ZFHX3: variants seen among roughly 807,000 people sequenced by gnomAD.
ZFHX3 encodes the protein zinc finger homeobox 3.
In ZFHX3, 42 loss-of-function variants were observed where a neutral mutation model predicts 279.1. The observed-to-expected ratio is 0.15, with a 90% CI of 0.12 to 0.19. The LOEUF is 0.19. ZFHX3 is among the 10% of genes least tolerant of loss of function. The pLI, the probability that ZFHX3 is intolerant of heterozygous loss-of-function variation, is 1.00. For missense variants in ZFHX3, 4,981 were observed against 4,754.0 expected (o/e 1.05, Z -1.40); for synonymous variants, 2,293 against 1,957.8 (o/e 1.17, Z -4.52).
intron 5 of ZFHX3, among the ~76,000 whole-genome samples, chr16:73,188,171 T>A (rs992248801): frequency 6.6e-6 from 1 of 151,308 alleles, no homozygotes; most frequent in African/African-American, 2.4e-5. Flanking sequence ...AGGTTTGGAA[T>A]TTTTAACAGG....
chr16:73,439,533 C>T (rs1272908335), intron 3 of ZFHX3, among the ~76,000 whole-genome samples: 1 of 151,942 alleles, frequency 6.6e-6, no homozygotes, highest in African/African-American at 2.4e-5. Context: ...GAGCTGCTTA[C>T]CGATGCTACA....
chr16:73,124,581 A>G (rs1966539392), intron 7 of ZFHX3, among the ~76,000 whole-genome samples: 1 of 152,234 alleles, frequency 6.6e-6, no homozygotes, highest in East Asian at 1.9e-4. Context: ...AGCAACGGTA[A>G]CAGTGACAGT....
intron 1 of ZFHX3, among the ~76,000 whole-genome samples, chr16:73,683,997 T>G (rs543064585): frequency 6.6e-6 from 1 of 152,316 alleles, no homozygotes; most frequent in African/African-American, 2.4e-5. Flanking sequence ...AATAAAACTT[T>G]ATTTACAAAA....
intron 3 of ZFHX3, among the ~76,000 whole-genome samples, chr16:73,325,920 C>CACACAAAA (rs1555510201): frequency 1.1e-3 from 76 of 71,452 alleles, no homozygotes; most frequent in Non-Finnish European, 2.4e-3. Flanking sequence ...CACACACACA[C>CACACAAAA]ACACACAAAC....
chr16:73,476,123 C>A (rs1185291433), intron 2 of ZFHX3, among the ~76,000 whole-genome samples: 1 of 152,104 alleles, frequency 6.6e-6, no homozygotes, highest in African/African-American at 2.4e-5. Flanking sequence ...TTCCTGTTTG[C>A]AAGCTTCATT....
intron 2 of ZFHX3, among the ~76,000 whole-genome samples, chr16:73,494,298 C>T (rs890495570): frequency 1.3e-5 from 2 of 152,104 alleles, no homozygotes; most frequent in African/African-American, 2.4e-5. Flanking sequence ...AAAGAGGGGG[C>T]AGCCTCCAGC....
intron 1 of ZFHX3, among the ~76,000 whole-genome samples, chr16:73,691,684 C>A (rs2053151255): frequency 6.6e-6 from 1 of 152,080 alleles, no homozygotes; most frequent in East Asian, 1.9e-4. Flanking sequence ...AAGTAACTTC[C>A]CAAGAAAAAC....
At chr16:73,034,462 G>A (rs988856983) in intron 1 of ZFHX3, among the ~76,000 whole-genome samples, 54 of 152,106 alleles carry the variant, frequency 3.6e-4, no homozygotes, top group Non-Finnish European at 5.3e-4. Flanking sequence ...TAGCCAAACC[G>A]GAAGCCTGTG....
upstream of ZFHX3, chr16:73,060,384 G>C (rs1021541023): frequency 6.6e-6 from 1 of 152,136 alleles, no homozygotes; most frequent in East Asian, 1.9e-4. Context: ...AGACAGCAGC[G>C]AGGGACCCTA....
intron 8 of ZFHX3, among the ~76,000 whole-genome samples, chr16:73,069,453 C>T (rs1185250855): frequency 1.3e-5 from 2 of 152,152 alleles, no homozygotes; most frequent in Non-Finnish European, 1.5e-5. Flanking sequence ...TGCCAGCTCA[C>T]GTGTCCGTCT....
At chr16:73,264,139 C>T (rs1335861672) in intron 4 of ZFHX3, among the ~76,000 whole-genome samples, 2 of 152,302 alleles carry the variant, frequency 1.3e-5, no homozygotes, top group East Asian at 3.9e-4. Context: ...TGCACTCCAG[C>T]CTGGGCAACA....
intron 1 of ZFHX3, among the ~76,000 whole-genome samples, chr16:73,034,266 C>T (rs904017174): frequency 9.2e-5 from 14 of 152,062 alleles, no homozygotes; most frequent in East Asian, 1.9e-4. Flanking sequence ...TTCCATTCCG[C>T]GGCATCAAGA....
At chr16:73,472,012 C>T (rs904130541) in intron 2 of ZFHX3, among the ~76,000 whole-genome samples, 3 of 152,148 alleles carry the variant, frequency 2.0e-5, no homozygotes, top group African/African-American at 7.2e-5. Context: ...CCTCCTCTTC[C>T]TCCCCACGGA....
At position 73,870,999 on chromosome 16, in the gene ZFHX3, A is replaced by G. The variant is rs375636479; in HGVS notation, c.-1608+20652T>C. 1.2e-3 allele frequency among the ~76,000 whole-genome samples: 187 copies of G among 152,262 alleles called. 3 individuals are homozygous for G. The highest frequency in any genetic ancestry group is 4.3e-3 in the African/African-American group (178 of 41,548). ...ACCCCTGCTAGACTCTCATGACCAT[A>G]TCGTATGTACCAGGGAGCTGTAGAT... On this transcript the variant is annotated intron_variant, in intron 1 of 17. Coordinates refer to the ZFHX3 transcript ENST00000641206.
chr16:73,481,648 T>G lies in ZFHX3; in HGVS notation c.-1546-25390A>C, dbSNP rs529587156. ...TGTTGTTGTTTGTTTGTTTGTTTGT[T>G]TTTGTTTGTTTGTTTGTTTGTTTTT... On this transcript the variant is annotated intron_variant, in intron 2 of 17. Coordinates refer to the ZFHX3 transcript ENST00000641206. 3.4e-5 allele frequency among the ~76,000 whole-genome samples: 5 copies of G among 146,086 alleles called. No homozygotes were observed. The East Asian group carries it at 5.9e-4, about 17-fold the overall frequency.
chr16:73,476,313 G>T (rs970342985), intron 2 of ZFHX3, among the ~76,000 whole-genome samples: 1 of 151,994 alleles, frequency 6.6e-6, no homozygotes, highest in African/African-American at 2.4e-5. Context: ...AACTGGTGTT[G>T]AATAAAATAT....
chr16:73,391,914 T>A (rs1423203863), intron 3 of ZFHX3, among the ~76,000 whole-genome samples: 1 of 152,020 alleles, frequency 6.6e-6, no homozygotes, highest in South Asian at 2.1e-4. Flanking sequence ...ACAGAACCAC[T>A]GAAAACAGAG....
intron 9 of ZFHX3, chr16:72,789,709 G>A (rs1423092279): frequency 6.6e-6 from 1 of 152,264 alleles, no homozygotes; most frequent in Non-Finnish European, 1.5e-5. Context: ...TTGCTTCCAT[G>A]CCTTGGCCCA....
At chr16:73,633,876 C>T (rs895601452) in intron 2 of ZFHX3, among the ~76,000 whole-genome samples, 14 of 150,014 alleles carry the variant, frequency 9.3e-5, no homozygotes, top group Admixed American at 2.0e-4. Flanking sequence ...CCAGCCCGGG[C>T]GACAGAGCAA....
Sources: allele counts gnomAD v4.1 joint callset (sites outside exome capture counted in the v4.1 genomes callset), GRCh38; gene constraint gnomAD v4.1.1; transcripts MANE v1.5; gene names NCBI Gene and HGNC (gene_info 2026-07-23, HGNC 2026-07-21).